The following NPRL3 variants were observed in gnomAD, a reference collection of about 807,000 sequenced individuals.
The protein encoded by NPRL3 is GATOR1 complex protein NPRL3.
NPRL3 carries 23 observed loss-of-function variants against 57.2 expected under a neutral mutation model. The observed-to-expected ratio is 0.40, with a 90% CI of 0.29 to 0.57. The LOEUF (loss-of-function observed/expected upper bound fraction) is 0.57, where lower values mean the gene tolerates loss of function less well. Among genes scored for constraint, NPRL3 ranks in the 20% least tolerant of loss-of-function variants. The pLI, the probability that NPRL3 is intolerant of heterozygous loss-of-function variation, is 0.42. For missense variants in NPRL3, 691 were observed against 767.1 expected (o/e 0.90, Z 1.17); for synonymous variants, 333 against 321.1 (o/e 1.04, Z -0.39).
intron 4 of NPRL3, 83 bp from the exon 5 acceptor site, chr16:117,458 A>G (rs2141957754): frequency 7.4e-6 from 7 of 943,180 alleles, no homozygotes; most frequent in Admixed American, 2.3e-5. Flanking sequence ...AGGCATGGCA[A>G]AAGTCCCCAG....
intron 12 of NPRL3, chr16:89,335 C>T: frequency 3.6e-6 from 1 of 277,958 alleles, no homozygotes; most frequent in Non-Finnish European, 6.8e-6. Flanking sequence ...GACCTGGCAA[C>T]AGGCTGCTGC....
chr16:129,650 C>G (rs1900700088), intron 3 of NPRL3, among the ~76,000 whole-genome samples: 1 of 152,204 alleles, frequency 6.6e-6, no homozygotes, highest in Non-Finnish European at 1.5e-5. Flanking sequence ...GACCCCATCT[C>G]TACAATCAAT....
intron 3 of NPRL3, among the ~76,000 whole-genome samples, chr16:124,454 G>A (rs1900427219): frequency 6.6e-6 from 1 of 151,824 alleles, no homozygotes; most frequent in South Asian, 2.1e-4. Context: ...TCCTGCCTCG[G>A]CCTCCCAAAG....
intron 7 of NPRL3, among the ~76,000 whole-genome samples, chr16:103,308 T>TTTTTTGTTTG (rs1899386979): frequency 8.0e-6 from 1 of 124,756 alleles, no homozygotes; most frequent in African/African-American, 3.1e-5. Context: ...TTTTTTTTTT[T>TTTTTTGTTTG]TTTTTTTTTT....
rs1898423192 is a variant in NPRL3 at position 85,626 on chromosome 16, T to C, written c.*1079A>G. On this transcript the variant is annotated 3_prime_UTR_variant, in exon 14 of 14. Coordinates refer to ENST00000611875, the MANE Select transcript of NPRL3 (RefSeq NM_001077350.3). ...GCTGTATGGCTGGAGCGTGGTCCCC[T>C]GGAGCCCAGTGAGCCGGCTGTAGTG... 3 of 1,597,514 alleles carry C rather than the reference T, an allele frequency of 1.9e-6. No individual in the cohort carries two copies. Among genetic ancestry groups the C allele is most frequent in the South Asian group, 2.2e-5 (2 of 90,472 alleles).
In NPRL3 at chr16:137,198, C is replaced by A. The variant is rs1157879166; in HGVS notation, c.118+952G>T. On this transcript the variant is annotated intron_variant, in intron 2 of 13. Transcript: ENST00000611875. ...TCACGCCACTCAACTCCAGCCTGGG[C>A]GACAGAGTGAGACTCCGTCTCAAAA... Among the ~76,000 whole-genome samples, 3 of 152,064 alleles carry A rather than the reference C, an allele frequency of 2.0e-5. No homozygotes were observed. In the East Asian group the frequency reaches 5.8e-4, roughly 29 times the overall value.
chr16:128,725 G>T (rs935004509), intron 3 of NPRL3, among the ~76,000 whole-genome samples: 1 of 151,954 alleles, frequency 6.6e-6, no homozygotes, highest in East Asian at 1.9e-4. Flanking sequence ...CTGAGATCGC[G>T]CCACTGCACT....
In NPRL3 at chr16:130,532, C is replaced by A; in HGVS notation, c.178G>T (p.Gly60Cys). 7 of 1,552,546 alleles carry A rather than the reference C, an allele frequency of 4.5e-6. No individual in the cohort carries two copies. The highest frequency in any genetic ancestry group is 6.1e-6 in the Non-Finnish European group (7 of 1,147,884). ...NTGDHADEQD[G>C]DSRFSDVILA... ...CCGCAGAGCCTTTACCTGGAATCGC[C>A]GTCCTGCTCATCAGCATGGTCGCCC... is the stretch of plus-strand genomic sequence containing the variant. Residue 60 changes from glycine (G) to cysteine (C), a missense_variant, in exon 3 of 14, where the codon GGC becomes TGC. Coordinates refer to ENST00000611875, the MANE Select transcript of NPRL3 (RefSeq NM_001077350.3).
intron 6 of NPRL3, 148 bp downstream of exon 6, chr16:112,474 C>T (rs1899858635): frequency 5.4e-6 from 4 of 742,648 alleles, no homozygotes; most frequent in Non-Finnish European, 7.8e-6. Context: ...TTGCAAGCTC[C>T]TGACTGCTCT....
chr16:109,684 T>G (rs1047274191), intron 7 of NPRL3, among the ~76,000 whole-genome samples: 2 of 152,140 alleles, frequency 1.3e-5, no homozygotes, highest in African/African-American at 4.8e-5. Flanking sequence ...TTTGTACCTC[T>G]GTCCCACCAG....
intron 2 of NPRL3, among the ~76,000 whole-genome samples, chr16:131,155 C>A (rs143894629): frequency 0.01 from 1,531 of 152,118 alleles, 32 homozygotes; most frequent in African/African-American, 0.034. Flanking sequence ...GCCAACATGG[C>A]GAAACCCCGT....
chr16:137,045 TAA>T (rs71391116), intron 2 of NPRL3, among the ~76,000 whole-genome samples: 4,361 of 65,924 alleles, frequency 0.066, 126 homozygotes, highest in African/African-American at 0.14. Context: ...CCATCTCTAC[TAA>T]AAAAAAAAAA....
rs1197824657 is a variant in NPRL3, at chr16:98,388, GGGTATGCACCAGGTCCTGCACCA to G, written c.768-110_768-88del. The G allele has an allele frequency of 6.4e-6, 9 of 1,401,180 alleles. No individual in the cohort carries two copies. In the East Asian group the frequency reaches 1.2e-4, roughly 19 times the overall value. The allele number at this position is 1,401,180 out of a possible 1,614,324, so 86.8% of individuals were successfully genotyped here. A position where few individuals can be genotyped will look rare whatever the true frequency, so the allele number is the denominator to read the frequency against. The stretch of plus-strand genomic sequence containing the variant: ...CCAGGTCCTGCACCAGGTATGCACC[GGGTATGCACCAGGTCCTGCACCA>G]GGTATGCACCGGGTATGCACCAGGT... On this transcript the variant is annotated intron_variant, in intron 8 of 13. Coordinates refer to ENST00000611875, the MANE Select transcript of NPRL3 (RefSeq NM_001077350.3).
At chr16:99,006 G>A (rs1485619779) in intron 8 of NPRL3, among the ~76,000 whole-genome samples, 1 of 152,172 alleles carries the variant, frequency 6.6e-6, no homozygotes, top group East Asian at 1.9e-4. Flanking sequence ...AAGTGGGGAA[G>A]GCTCGAAGAC....
Position 92,651 on chromosome 16 carries a change from G to A in NPRL3, c.1106C>T (p.Ser369Phe), listed in dbSNP as rs1050077507. The A allele has an allele frequency of 1.2e-6, 2 of 1,613,736 alleles. No homozygotes were observed. Among genetic ancestry groups the A allele is most frequent in the Non-Finnish European group, 1.7e-6 (2 of 1,179,834 alleles). Residue 369 changes from serine (S) to phenylalanine (F), a missense_variant, in exon 11 of 14, where the codon TCC (serine) becomes TTC (phenylalanine). Ser to Phe is a radical substitution (Grantham distance 155). Transcript: ENST00000611875. ...HDLPSVLAKF[S>F]LPVSLSEFRN... ...AAATTCTGACAAGGAGACCGGCAAG[G>A]AGAACTTGGCAAGAACGGACGGCAG... is the stretch of plus-strand genomic sequence containing the variant.
At position 92,647 on chromosome 16, in the gene NPRL3, C is replaced by T. The variant is rs922989010; in HGVS notation, c.1110G>A (p.Leu370=). 9 of 1,613,702 alleles carry T rather than the reference C, an allele frequency of 5.6e-6. No individual in the cohort carries two copies. Among genetic ancestry groups the T allele is most frequent in the Non-Finnish European group, 7.6e-6 (9 of 1,179,840 alleles). ...TCCTAAATTCTGACAAGGAGACCGGCAAGGAGAACTTGGCAAGAACGGACG... is the reference window on the plus strand; with the variant it reads ...TCCTAAATTCTGACAAGGAGACCGGTAAGGAGAACTTGGCAAGAACGGACG... ...DLPSVLAKFS[L]PVSLSEFRNP... The change falls in exon 11 of 14, where the codon TTG becomes TTA. Residue 370 remains leucine, a synonymous_variant. Coordinates refer to ENST00000611875, the MANE Select transcript of NPRL3 (RefSeq NM_001077350.3).
intron 6 of NPRL3, among the ~76,000 whole-genome samples, chr16:111,900 G>C (rs796236859): frequency 1.9e-4 from 29 of 152,250 alleles, no homozygotes; most frequent in African/African-American, 6.3e-4. Flanking sequence ...TGTTATAGAG[G>C]TGCTGGCCAA....
rs59640237 is a variant in NPRL3, at chr16:100,970, C to CAAAAAAAAAAAAAAA, written c.630-476_630-462dup. On this transcript the variant is annotated intron_variant, in intron 7 of 13. Transcript: ENST00000611875. ...TGGGCAACAAGGCAAGACTCTGTCT[C>CAAAAAAAAAAAAAAA]AAAAAAAAAAAAAAAAAAAAGGAAG... Among the ~76,000 whole-genome samples, 39 of 36,116 alleles carry CAAAAAAAAAAAAAAA rather than the reference C, an allele frequency of 1.1e-3. 11 individuals are homozygous for CAAAAAAAAAAAAAAA. Among genetic ancestry groups the CAAAAAAAAAAAAAAA allele is most frequent in the African/African-American group, 4.1e-3 (31 of 7,524 alleles). 23.7% of individuals were successfully genotyped at this position (36,116 alleles called of 152,430 possible). A position where few individuals can be genotyped will look rare whatever the true frequency, so the allele number is the denominator to read the frequency against.
Position 138,247 on chromosome 16 carries a change from G to A in NPRL3, c.21C>T (p.Pro7=), listed in dbSNP as rs1453619102. 2 of 1,606,674 alleles carry A rather than the reference G, an allele frequency of 1.2e-6. No homozygotes were observed. The highest frequency in any genetic ancestry group is 1.3e-5 in the African/African-American group (1 of 74,676). The change falls in exon 2 of 14, where the codon CCC becomes CCT. Residue 7 remains proline (P), a synonymous_variant. Transcript: ENST00000611875. ...CCGAGCTCACCAGAATCACGCTGATGGGGCTGGTGTTGTCCCGCATCCCGC... is the reference window on the plus strand; with the variant it reads ...CCGAGCTCACCAGAATCACGCTGATAGGGCTGGTGTTGTCCCGCATCCCGC... MRDNTS[P]ISVILVSSGS...
Sources: gnomAD v4.1 joint callset for allele counts (sites outside exome capture counted in the v4.1 genomes callset) on GRCh38, gnomAD v4.1.1 for gene constraint, MANE v1.5 for transcripts, NCBI Gene and HGNC (gene_info 2026-07-23, HGNC 2026-07-21) for gene names.